MOSPD2: variants seen among roughly 807,000 people sequenced by gnomAD.
The protein encoded by MOSPD2 is motile sperm domain-containing protein 2.
In MOSPD2, 5 loss-of-function variants were observed where a neutral mutation model predicts 41.7. The ratio of observed to expected loss-of-function variants is 0.12; its 90% CI spans 0.06 to 0.25. MOSPD2 has a LOEUF of 0.25. MOSPD2 is among the 10% of genes least tolerant of loss of function. The pLI, the probability that MOSPD2 is intolerant of heterozygous loss-of-function variation, is 1.00. For missense variants in MOSPD2, 282 were observed against 375.2 expected, an observed-to-expected ratio of 0.75 and a Z score of 2.05; for synonymous variants, 115 against 126.9, an observed-to-expected ratio of 0.91 and a Z score of 0.63.
At position 14,873,432 on chromosome X, in the gene MOSPD2, T is replaced by C; in HGVS notation, c.-97T>C. 8.6e-7 allele frequency: 1 copy of C among 1,157,036 alleles called. No homozygotes were observed. The highest frequency in any genetic ancestry group is 1.8e-5 in the African/African-American group (1 of 56,918). ...CGCCTCCCCCTCCCACCCTTCTCTG[T>C]CTACCTCTGGGCGGGACTGCCGGGT... On this transcript the variant is annotated 5_prime_UTR_variant, in exon 1 of 15. Coordinates refer to ENST00000380492, the MANE Select transcript of MOSPD2 (RefSeq NM_152581.4).
intron 5 of MOSPD2, among the ~76,000 whole-genome samples, chrX:14,899,565 TACACACACAC>T (rs59555716): frequency 3.3e-3 from 266 of 81,049 alleles, no homozygotes; most frequent in Middle Eastern, 0.02. Context: ...ATTATATACA[TACACACACAC>T]ACACACACAC....
chrX:14,916,173 C>T (rs1183160218), intron 12 of MOSPD2, 24 bp from the exon 13 acceptor site: 1 of 1,209,054 alleles, frequency 8.3e-7, no homozygotes, highest in African/African-American at 1.7e-5. Flanking sequence ...TGTTTATATG[C>T]TGAATTACCC....
intron 2 of MOSPD2, among the ~76,000 whole-genome samples, chrX:14,885,954 A>G (rs1446259390): frequency 8.9e-6 from 1 of 111,804 alleles, no homozygotes; most frequent in East Asian, 2.8e-4. Flanking sequence ...AGACTTGTAC[A>G]TGGCTAATCA....
rs1452605326 is a variant in MOSPD2, at chrX:14,921,411, G to A, written c.*1602G>A. ...ACCTCCAGCTGTGAAATGGACTGCA[G>A]TCCACCCTAAGTACTGTGCACAGTA... On this transcript the variant is annotated 3_prime_UTR_variant, in exon 15 of 15. Coordinates refer to ENST00000380492, the MANE Select transcript of MOSPD2 (RefSeq NM_152581.4). 31 of 935,440 alleles carry A rather than the reference G, an allele frequency of 3.3e-5. No homozygotes were observed. Among genetic ancestry groups the A allele is most frequent in the Non-Finnish European group, 4.0e-5 (30 of 755,222 alleles). 77.1% of individuals were successfully genotyped at this position (935,440 alleles called of 1,213,427 possible).
chrX:14,919,951 A>G lies in MOSPD2; in HGVS notation c.*142A>G. 1 of 1,041,882 alleles carries G rather than the reference A, an allele frequency of 9.6e-7. No homozygotes were observed. 85.9% of individuals were successfully genotyped at this position (1,041,882 alleles called of 1,213,427 possible). A position where few individuals can be genotyped will look rare whatever the true frequency, so the allele number is the denominator to read the frequency against. On this transcript the variant is annotated 3_prime_UTR_variant, in exon 15 of 15. Coordinates refer to ENST00000380492, the MANE Select transcript of MOSPD2 (RefSeq NM_152581.4). ...ATATGCAGCACGTGGAGGGGAACAC[A>G]TACATGTCTTGAAAATAAACTGCTA...
intron 3 of MOSPD2, chrX:14,893,367 A>G (rs1569102474): frequency 8.9e-6 from 1 of 111,797 alleles, no homozygotes; most frequent in South Asian, 3.7e-4. Context: ...TTCTCTGTAT[A>G]TTGTTTTTAT....
Position 14,873,674 on chromosome X carries a change from G to C in MOSPD2, c.10-15G>C. On this transcript the variant is annotated splice_polypyrimidine_tract_variant and intron_variant, in intron 1 of 14. Coordinates refer to ENST00000380492, the MANE Select transcript of MOSPD2 (RefSeq NM_152581.4). ...TGCAAGTAGTATCTAAGGTCCCATC[G>C]TGTCTCCCATCCAGAATCACGCCCA... The C allele has an allele frequency of 1.7e-6, 2 of 1,209,136 alleles. No individual in the cohort carries two copies. Among genetic ancestry groups the C allele is most frequent in the East Asian group, 3.0e-5 (1 of 33,814 alleles).
intron 2 of MOSPD2, among the ~76,000 whole-genome samples, chrX:14,880,493 G>A (rs1188531535): frequency 2.7e-5 from 3 of 111,459 alleles, no homozygotes; most frequent in African/African-American, 9.8e-5. Context: ...TACATTGGCT[G>A]GAACTTTTAT....
intron 5 of MOSPD2, among the ~76,000 whole-genome samples, chrX:14,897,550 C>G (rs1337240868): frequency 9.0e-6 from 1 of 111,657 alleles, no homozygotes; most frequent in Non-Finnish European, 1.9e-5. Flanking sequence ...ACTTTGATAT[C>G]AAAGCTAATA....
intron 3 of MOSPD2, among the ~76,000 whole-genome samples, chrX:14,894,266 G>A (rs932895246): frequency 9.2e-6 from 1 of 108,185 alleles, no homozygotes; most frequent in African/African-American, 3.4e-5. Context: ...TGAGTAGCTG[G>A]GACGACAGGC....
intron 7 of MOSPD2, among the ~76,000 whole-genome samples, chrX:14,907,366 AG>A (rs2092584125): frequency 8.9e-6 from 1 of 112,282 alleles, no homozygotes; most frequent in Non-Finnish European, 1.9e-5. Context: ...TATATGCCCA[AG>A]AGAAGTGACA....
chrX:14,903,109 T>C (rs758980500), intron 7 of MOSPD2, 105 bp downstream of exon 7: 41 of 540,787 alleles, frequency 7.6e-5, no homozygotes, highest in Non-Finnish European at 1.2e-4. Context: ...TATTGTCCTT[T>C]GCATGCTCTC....
At chrX:14,887,816 A>G (rs1384088018) in intron 2 of MOSPD2, among the ~76,000 whole-genome samples, 1 of 111,074 alleles carries the variant, frequency 9.0e-6, no homozygotes. Context: ...GGTCATCTTT[A>G]CCTTGGAATA....
chrX:14,919,710 C>T lies in MOSPD2; in HGVS notation c.1458C>T (p.Asp486=). 1 of 1,209,566 alleles carries T rather than the reference C, an allele frequency of 8.3e-7. No individual in the cohort carries two copies. The highest frequency in any genetic ancestry group is 1.1e-6 in the Non-Finnish European group (1 of 894,215). The part of the protein sequence containing the change: ...RLLESNRKLE[D]QVQRCIWFQQ... The stretch of plus-strand genomic sequence containing the variant: ...TAGAAAGCAATAGGAAGCTTGAAGA[C>T]CAAGTTCAGCGTTGTATCTGGTTCC... The change falls in exon 15 of 15, where the codon GAC becomes GAT. Residue 486 remains aspartate, a synonymous_variant. Coordinates refer to ENST00000380492, the MANE Select transcript of MOSPD2 (RefSeq NM_152581.4).
intron 2 of MOSPD2, among the ~76,000 whole-genome samples, chrX:14,877,995 C>T (rs6631253): frequency 0.06 from 6,478 of 108,689 alleles, 387 homozygotes; most frequent in African/African-American, 0.18. Context: ...AAAAAAATTC[C>T]GTATATAATT....
intron 5 of MOSPD2, among the ~76,000 whole-genome samples, chrX:14,899,143 A>G (rs995030882): frequency 3.5e-5 from 3 of 85,194 alleles, no homozygotes; most frequent in African/African-American, 1.1e-4. Context: ...TGGGTCCTCA[A>G]AAGGACGTTT....
intron 7 of MOSPD2, among the ~76,000 whole-genome samples, chrX:14,906,726 A>G (rs1381241131): frequency 1.8e-5 from 2 of 111,954 alleles, no homozygotes; most frequent in South Asian, 3.7e-4. Context: ...TTACAATGCA[A>G]TGTTAAAAAG....
At chrX:14,873,855 C>T (rs981131658) in intron 2 of MOSPD2, 97 bp downstream of exon 2, 19 of 681,678 alleles carry the variant, frequency 2.8e-5, no homozygotes, top group Non-Finnish European at 4.1e-5. Context: ...GTGTTAGGGA[C>T]CCTTTCGACC....
chrX:14,919,767 G>C lies in MOSPD2; in HGVS notation c.1515G>C (p.Leu505Phe), dbSNP rs774637512. 6 of 1,208,704 alleles carry C rather than the reference G, an allele frequency of 5.0e-6. No individual in the cohort carries two copies. Among genetic ancestry groups the C allele is most frequent in the Non-Finnish European group, 6.7e-6 (6 of 894,268 alleles). Residue 505 changes from leucine to phenylalanine, a missense_variant, in exon 15 of 15, where the codon TTG becomes TTC. By Grantham distance (22) the Leu-to-Phe change is conservative. Coordinates refer to ENST00000380492, the MANE Select transcript of MOSPD2 (RefSeq NM_152581.4). The stretch of plus-strand genomic sequence containing the variant: ...TGCTGCTTTCCTTAACAATGCTCTT[G>C]CTTGCTTTTGTCACCTCTTTCTTCT... ...QQLLLSLTML[L>F]LAFVTSFFYL...
Sources: allele counts gnomAD v4.1 joint callset (sites outside exome capture counted in the v4.1 genomes callset), GRCh38; gene constraint gnomAD v4.1.1; transcripts MANE v1.5; gene names NCBI Gene and HGNC (gene_info 2026-07-23, HGNC 2026-07-21).